The following KALRN variants were observed in gnomAD, a reference collection of about 807,000 sequenced individuals.
KALRN encodes the protein kalirin RhoGEF kinase.
Under a neutral mutation model 353.7 loss-of-function variants are expected in KALRN, and 70 were observed. The observed-to-expected ratio is 0.20, with a 90% CI of 0.16 to 0.24. The LOEUF is 0.24. Among genes scored for constraint, KALRN ranks in the 10% least tolerant of loss-of-function variants. KALRN has a pLI of 1.00. For synonymous variants in KALRN, 1,391 were observed against 1,434.8 expected (o/e 0.97, Z 0.69); for missense variants, 2,791 against 3,756.7 (o/e 0.74, Z 6.72).
chr3:124,610,004 A>G (rs952959876), intron 34 of KALRN, among the ~76,000 whole-genome samples: 1 of 152,222 alleles, frequency 6.6e-6, no homozygotes, highest in Non-Finnish European at 1.5e-5. Context: ...TATTTAGAAC[A>G]TATTTACTGA....
At chr3:124,605,567 C>T (rs1480389675) in intron 34 of KALRN, among the ~76,000 whole-genome samples, 1 of 90,460 alleles carries the variant, frequency 1.1e-5, no homozygotes, top group Non-Finnish European at 2.1e-5. Flanking sequence ...AATGGGACTC[C>T]ATCTAAAAAA....
chr3:124,221,036 G>A (rs1011266623), intron 1 of KALRN, among the ~76,000 whole-genome samples: 2 of 152,156 alleles, frequency 1.3e-5, no homozygotes, highest in South Asian at 2.1e-4. Context: ...CGGAGTCTCC[G>A]AAGGCACTTG....
At chr3:124,599,062 G>A (rs1040222829) in intron 34 of KALRN, among the ~76,000 whole-genome samples, 1 of 152,178 alleles carries the variant, frequency 6.6e-6, no homozygotes, top group East Asian at 1.9e-4. Flanking sequence ...GTTAGATTGG[G>A]CAGTCGGGAC....
rs536626504 is a variant in KALRN, at chr3:124,186,803, A to G, written c.74-41187A>G. On this transcript the variant is annotated intron_variant, in intron 1 of 59. Transcript: ENST00000682506. ...TAAAGTAACTCGTTCCTTTGACTTA[A>G]GATGTTTTGCTCCTGAGGCCTCATC... 1.1e-4 allele frequency among the ~76,000 whole-genome samples: 17 copies of G among 152,242 alleles called. 1 individual carries two copies. The South Asian group carries it at 3.3e-3, about 30-fold the overall frequency.
intron 1 of KALRN, among the ~76,000 whole-genome samples, chr3:124,195,055 C>T (rs2075295409): frequency 6.6e-6 from 1 of 152,010 alleles, no homozygotes; most frequent in African/African-American, 2.4e-5. Flanking sequence ...TGTCTGTGGC[C>T]CCAAATACCT....
Position 124,334,348 on chromosome 3 carries a change from C to T in KALRN, c.1500C>T (p.Ala500=), listed in dbSNP as rs368796122. The T allele has an allele frequency of 5.0e-6, 8 of 1,614,130 alleles. No individual in the cohort carries two copies. Among genetic ancestry groups the T allele is most frequent in the Non-Finnish European group, 5.9e-6 (7 of 1,180,052 alleles). ...ACTCCGAATCCCTCACGGCCACAGC[C>T]AACTACTCCAAGGCAGTGCACCAGG... ...PGNSESLTAT[A]NYSKAVHQVL... Residue 500 remains alanine, a synonymous_variant, in exon 9 of 60, where the codon GCC becomes GCT. Transcript: ENST00000682506. This position sits in a 1 kb window ranked among gnomAD's most constrained non-coding sequence, Gnocchi z 4.2.
intron 5 of KALRN, among the ~76,000 whole-genome samples, chr3:124,297,912 T>C (rs1026421995): frequency 2.0e-5 from 3 of 152,184 alleles, no homozygotes; most frequent in African/African-American, 7.2e-5. Context: ...CATACAACAA[T>C]ACTGGAAGAA....
chr3:124,476,928 A>T (rs754540107), intron 26 of KALRN, among the ~76,000 whole-genome samples: 7 of 152,200 alleles, frequency 4.6e-5, no homozygotes, highest in Non-Finnish European at 8.8e-5. Context: ...AAAAGGGTAA[A>T]ATCTGTAAAT....
At chr3:124,561,229 G>A (rs1408163737) in intron 33 of KALRN, among the ~76,000 whole-genome samples, 1 of 152,142 alleles carries the variant, frequency 6.6e-6, no homozygotes, top group Non-Finnish European at 1.5e-5. Context: ...AGGAGAGTGG[G>A]GGAGTGAAGA....
intron 1 of KALRN, among the ~76,000 whole-genome samples, chr3:124,206,149 G>A (rs1332427179): frequency 2.6e-5 from 4 of 152,144 alleles, no homozygotes; most frequent in African/African-American, 7.2e-5. Flanking sequence ...CAGAGATCAC[G>A]TAATAGAAGA....
chr3:124,237,578 G>T (rs556166821), intron 3 of KALRN, among the ~76,000 whole-genome samples: 1 of 152,196 alleles, frequency 6.6e-6, no homozygotes, highest in African/African-American at 2.4e-5. Context: ...GGCCAGGCTG[G>T]TCTCGAACTC....
At chr3:124,187,743 T>C (rs770334645) in intron 1 of KALRN, among the ~76,000 whole-genome samples, 7 of 152,126 alleles carry the variant, frequency 4.6e-5, no homozygotes, top group African/African-American at 9.7e-5. Flanking sequence ...GCCAATTAAG[T>C]CTACAATGTG....
chr3:124,419,892 G>A (rs2092698370), intron 14 of KALRN, among the ~76,000 whole-genome samples: 1 of 152,196 alleles, frequency 6.6e-6, no homozygotes, highest in Non-Finnish European at 1.5e-5. Context: ...TATATCAATA[G>A]ATTGAGAGCA....
intron 34 of KALRN, chr3:124,584,926 C>CT (rs2074996079): frequency 6.4e-7 from 1 of 1,573,040 alleles, no homozygotes; most frequent in Non-Finnish European, 8.6e-7. Context: ...TGTCGGCGGC[C>CT]TTGGTGCCTT....
rs939326101 is a variant in KALRN, at chr3:124,468,749, G to A, written c.4032-5914G>A. Among the ~76,000 whole-genome samples the A allele has an allele frequency of 7.9e-5, 12 of 152,300 alleles. No homozygotes were observed. In the East Asian group the frequency reaches 2.3e-3, roughly 29 times the overall value. ...GAATCCAGCTGTCATTTTCTTAATAGTCAAATGTTAAGGAAAGAGGAAGGG... is the reference window on the plus strand; with the variant it reads ...GAATCCAGCTGTCATTTTCTTAATAATCAAATGTTAAGGAAAGAGGAAGGG... On this transcript the variant is annotated intron_variant, in intron 25 of 59. Transcript: ENST00000682506.
At chr3:124,653,257 G>A (rs1432530182) in intron 38 of KALRN, among the ~76,000 whole-genome samples, 2 of 152,164 alleles carry the variant, frequency 1.3e-5, no homozygotes, top group African/African-American at 4.8e-5. Flanking sequence ...TGAGAGCTCT[G>A]TGGAGAAAAG....
chr3:124,532,756 C>A (rs1314177390), intron 33 of KALRN, among the ~76,000 whole-genome samples: 1 of 152,078 alleles, frequency 6.6e-6, no homozygotes, highest in South Asian at 2.1e-4. Context: ...AGCTGAGATC[C>A]CACCACTGCA....
At chr3:124,342,147 T>A (rs1300083130) in intron 9 of KALRN, among the ~76,000 whole-genome samples, 2 of 149,266 alleles carry the variant, frequency 1.3e-5, no homozygotes, top group Non-Finnish European at 2.9e-5. Context: ...TCTGAGGGTA[T>A]GCCTTTATTT....
intron 10 of KALRN, among the ~76,000 whole-genome samples, chr3:124,376,811 G>C (rs150364344): frequency 6.6e-6 from 1 of 152,050 alleles, no homozygotes; most frequent in African/African-American, 2.4e-5. Flanking sequence ...TGCCCACTAG[G>C]TACATCGAGG....
Sources: allele counts gnomAD v4.1 joint callset (sites outside exome capture counted in the v4.1 genomes callset), GRCh38; gene constraint gnomAD v4.1.1; non-coding constraint Gnocchi (gnomAD v3.1); transcripts MANE v1.5; gene names NCBI Gene and HGNC (gene_info 2026-07-23, HGNC 2026-07-21).